TEN1: variants seen among roughly 807,000 people sequenced by gnomAD.
TEN1 encodes the protein CST complex subunit TEN1.
In TEN1, 6 loss-of-function variants were observed where a neutral mutation model predicts 9.3. The ratio of observed to expected loss-of-function variants is 0.65; its 90% CI spans 0.35 to 1.27. The LOEUF is 1.27. TEN1 is among the 50% of genes most tolerant of loss of function. The probability of loss-of-function intolerance (pLI) is 0.03; values close to 1 mark genes in which losing one functional copy is unlikely to be tolerated. For synonymous variants in TEN1, 65 were observed against 65.6 expected (o/e 0.99, Z 0.04); for missense variants, 149 against 158.2 (o/e 0.94, Z 0.31).
At chr17:75,983,583 A>G (rs549483345) in intron 1 of TEN1, among the ~76,000 whole-genome samples, 61 of 152,328 alleles carry the variant, frequency 4.0e-4, no homozygotes, top group African/African-American at 1.3e-3. Context: ...AAATCATTTC[A>G]TGGAGAGCAT....
Position 75,983,018 on chromosome 17 carries a change from C to T in TEN1, c.-6-3169C>T, listed in dbSNP as rs114453672. Among the ~76,000 whole-genome samples, 781 of 151,034 alleles carry T rather than the reference C, an allele frequency of 5.2e-3. 8 individuals are homozygous for T. The highest frequency in any genetic ancestry group is 0.017 in the African/African-American group (683 of 41,248). On this transcript the variant is annotated intron_variant, in intron 1 of 3. Transcript: ENST00000397640. The stretch of plus-strand genomic sequence containing the variant: ...GGAAGAGGCCCGGTGAGGTGTCTCA[C>T]GCCTGTAGTCCCAACACTCTGGGAG...
intron 3 of TEN1, among the ~76,000 whole-genome samples, chr17:75,992,005 C>T (rs1384064670): frequency 6.8e-6 from 1 of 147,350 alleles, no homozygotes; most frequent in African/African-American, 2.6e-5. Context: ...CAAGATCGTT[C>T]CACTGCACTC....
At chr17:75,997,843 C>T (rs1198611675) in intron 3 of TEN1, among the ~76,000 whole-genome samples, 2 of 151,924 alleles carry the variant, frequency 1.3e-5, no homozygotes, top group Non-Finnish European at 2.9e-5. Context: ...TTCTTTGCTC[C>T]AGGTTCTTAA....
intron 1 of TEN1, among the ~76,000 whole-genome samples, chr17:75,981,941 C>T (rs953894519): frequency 5.3e-5 from 8 of 152,096 alleles, no homozygotes; most frequent in Admixed American, 3.3e-4. Context: ...GCAGGAGAAT[C>T]GCTTGAACCG....
At chr17:75,997,876 T>C (rs2066226759) in intron 3 of TEN1, among the ~76,000 whole-genome samples, 1 of 151,746 alleles carries the variant, frequency 6.6e-6, no homozygotes, top group Non-Finnish European at 1.5e-5. Context: ...TTTCCTGAGA[T>C]GGAGTCTCGC....
chr17:75,996,584 C>A (rs1372349571), intron 3 of TEN1, among the ~76,000 whole-genome samples: 3 of 151,330 alleles, frequency 2.0e-5, no homozygotes, highest in Non-Finnish European at 4.4e-5. Context: ...GCACACATGC[C>A]TGTAGTCCCA....
At chr17:75,986,910 C>T (rs1217270169) in intron 2 of TEN1, among the ~76,000 whole-genome samples, 1 of 151,894 alleles carries the variant, frequency 6.6e-6, no homozygotes, top group Non-Finnish European at 1.5e-5. Flanking sequence ...TATGGAGACA[C>T]CCAATATACG....
At chr17:75,994,892 G>A (rs1008982343) in intron 3 of TEN1, among the ~76,000 whole-genome samples, 1 of 152,118 alleles carries the variant, frequency 6.6e-6, no homozygotes, top group Non-Finnish European at 1.5e-5. Context: ...CTGACCTCTG[G>A]CCTGGGCAGA....
chr17:75,986,446 A>C (rs2066152926), intron 2 of TEN1, among the ~76,000 whole-genome samples, 162 bp downstream of exon 2: 1 of 152,148 alleles, frequency 6.6e-6, no homozygotes, highest in South Asian at 2.1e-4. Context: ...TCATGCCTGT[A>C]ATCGCAGCAC....
chr17:75,983,283 AAAAG>A (rs201581294), intron 1 of TEN1, among the ~76,000 whole-genome samples: 1,689 of 152,054 alleles, frequency 0.011, 23 homozygotes, highest in African/African-American at 0.037. Context: ...TCCATCTCAA[AAAAG>A]AAAGAAAGAA....
In TEN1 at chr17:75,986,175, A is replaced by C. The variant is rs770779482; in HGVS notation, c.-6-12A>C. Reference sequence around the variant, plus strand: ...GGAATCTTCAAAATCCCTCTCAACTATTTGGTTACAGGAGCCCATGATGCT... The same window carrying C: ...GGAATCTTCAAAATCCCTCTCAACTCTTTGGTTACAGGAGCCCATGATGCT... On this transcript the variant is annotated splice_polypyrimidine_tract_variant and intron_variant, in intron 1 of 3. Coordinates refer to ENST00000397640, the MANE Select transcript of TEN1 (RefSeq NM_001113324.3). 2.6e-6 allele frequency: 4 copies of C among 1,534,734 alleles called. No individual in the cohort carries two copies. Among genetic ancestry groups the C allele is most frequent in the Non-Finnish European group, 3.5e-6 (4 of 1,138,600 alleles).
intron 3 of TEN1, among the ~76,000 whole-genome samples, chr17:75,993,922 G>A (rs2066202686): frequency 6.6e-6 from 1 of 152,002 alleles, no homozygotes; most frequent in South Asian, 2.1e-4. Context: ...CTTGAACCCG[G>A]GAGGCGGAGG....
rs372528296 is a variant in TEN1 at position 75,988,434 on chromosome 17, C to A, written c.92+2150C>A. On this transcript the variant is annotated intron_variant, in intron 2 of 3. Transcript: ENST00000397640. Reference sequence around the variant, plus strand: ...AAAATTAGCCAGGCATGGCAGTGTGCGCCTGTAGCCCCAGCTACTGGGGAG... The same window carrying A: ...AAAATTAGCCAGGCATGGCAGTGTGAGCCTGTAGCCCCAGCTACTGGGGAG... Among the ~76,000 whole-genome samples, 19 of 151,016 alleles carry A rather than the reference C, an allele frequency of 1.3e-4. No individual in the cohort carries two copies. The East Asian group carries it at 3.7e-3, about 30-fold the overall frequency.
Position 76,000,147 on chromosome 17 carries a change from G to A in TEN1, c.257G>A (p.Gly86Asp), listed in dbSNP as rs1433184403. ...LGELQHQQDRGSVVKARVLTC... is the reference protein window; with the variant it reads ...LGELQHQQDRDSVVKARVLTC... ...CCTGGTGTTTGTCTTGCAGACAGAG[G>A]CTCCGTGGTGAAGGCGCGCGTGCTG... The change falls in exon 4 of 4, where the codon GGC becomes GAC. Residue 86 changes from glycine (G) to aspartate (D), a missense_variant. Coordinates refer to ENST00000397640, the MANE Select transcript of TEN1 (RefSeq NM_001113324.3). This position sits in a 1 kb window ranked among gnomAD's most constrained non-coding sequence, Gnocchi z 5.9. 1 of 1,551,154 alleles carries A rather than the reference G, an allele frequency of 6.4e-7. No individual in the cohort carries two copies. The highest frequency in any genetic ancestry group is 2.4e-5 in the East Asian group (1 of 40,908).
intron 2 of TEN1, among the ~76,000 whole-genome samples, chr17:75,988,014 C>T (rs2066162630): frequency 6.7e-6 from 1 of 149,998 alleles, no homozygotes; most frequent in African/African-American, 2.5e-5. Context: ...CCTAAGTGGG[C>T]AGATCACCTG....
At chr17:75,986,402 A>G (rs987061482) in intron 2 of TEN1, 118 bp downstream of exon 2, 40 of 1,047,588 alleles carry the variant, frequency 3.8e-5, no homozygotes, top group Non-Finnish European at 6.6e-6. Context: ...ATGTTAAAAT[A>G]CTAAAAAAAA....
intron 1 of TEN1, among the ~76,000 whole-genome samples, chr17:75,985,827 T>A (rs982259452): frequency 2.7e-5 from 4 of 150,688 alleles, no homozygotes; most frequent in Non-Finnish European, 5.9e-5. Context: ...CCCGGCCATG[T>A]TTTTTTTTCT....
chr17:75,992,987 A>G, intron 3 of TEN1, among the ~76,000 whole-genome samples: 3 of 135,012 alleles, frequency 2.2e-5, no homozygotes, highest in Non-Finnish European at 3.2e-5. Context: ...CTCGAGACAG[A>G]GTCTTGGTCT....
rs2066245722 is a variant in TEN1 at position 76,000,178 on chromosome 17, T to A, written c.288T>A (p.Cys96Ter). ...TGGTGAAGGCGCGCGTGCTGACCTGTGTGGAGGGGATGAACCTGCCCTTGT... is the reference window on the plus strand; with the variant it reads ...TGGTGAAGGCGCGCGTGCTGACCTGAGTGGAGGGGATGAACCTGCCCTTGT... The part of the protein sequence containing the change: ...GSVVKARVLT[C>*]VEGMNLPLLE... Residue 96 changes from cysteine (C) to a stop codon, truncating the protein, a stop_gained, in exon 4 of 4, where the codon TGT (cysteine) becomes TGA (stop). Coordinates refer to ENST00000397640, the MANE Select transcript of TEN1 (RefSeq NM_001113324.3). LOFTEE classifies it high-confidence loss of function. The surrounding 1 kb of genome is among the most constrained non-coding windows in gnomAD (Gnocchi z 5.9). The A allele has an allele frequency of 1.3e-6, 2 of 1,551,392 alleles. No individual in the cohort carries two copies. Among genetic ancestry groups the A allele is most frequent in the Non-Finnish European group, 1.7e-6 (2 of 1,146,920 alleles).
Sources: gnomAD v4.1 joint callset for allele counts (sites outside exome capture counted in the v4.1 genomes callset) on GRCh38, gnomAD v4.1.1 for gene constraint, Gnocchi (gnomAD v3.1) non-coding constraint, MANE v1.5 for transcripts, NCBI Gene and HGNC (gene_info 2026-07-23, HGNC 2026-07-21) for gene names.